Variants in SLIT2 observed in about 807,000 individuals in gnomAD.
The protein encoded by SLIT2 is slit homolog 2 protein.
In SLIT2, 41 loss-of-function variants were observed where a neutral mutation model predicts 185.7. That is an observed-to-expected ratio of 0.22 (90% CI 0.17 to 0.29). The LOEUF is 0.29. SLIT2 is among the 10% of genes least tolerant of loss of function. The pLI, the probability that SLIT2 is intolerant of heterozygous loss-of-function variation, is 1.00. For synonymous variants in SLIT2, 693 were observed against 680.2 expected (o/e 1.02, Z -0.29); for missense variants, 1,571 against 1,909.0 (o/e 0.82, Z 3.30).
chr4:20,401,419 A>G (rs1183270015), intron 4 of SLIT2, among the ~76,000 whole-genome samples: 1 of 151,746 alleles, frequency 6.6e-6, no homozygotes, highest in Non-Finnish European at 1.5e-5. Flanking sequence ...TTTGTGCTTC[A>G]TTTGCTTCTC....
At chr4:20,518,762 G>A (rs1720544031) in intron 11 of SLIT2, among the ~76,000 whole-genome samples, 1 of 141,346 alleles carries the variant, frequency 7.1e-6, no homozygotes, top group Non-Finnish European at 1.5e-5. Flanking sequence ...CCGCCACCAC[G>A]CCCGGCTAAT....
At position 20,484,668 on chromosome 4, in the gene SLIT2, A is replaced by T. The variant is rs1451469132; in HGVS notation, c.540-1532A>T. Among the ~76,000 whole-genome samples, 1 of 152,156 alleles carries T rather than the reference A, an allele frequency of 6.6e-6. No homozygotes were observed. The highest frequency in any genetic ancestry group is 1.5e-5 in the Non-Finnish European group (1 of 68,014). On this transcript the variant is annotated intron_variant, in intron 6 of 36. Coordinates refer to ENST00000504154, the MANE Select transcript of SLIT2 (RefSeq NM_004787.4). This position sits in a 1 kb window ranked among gnomAD's most constrained non-coding sequence, Gnocchi z 4.3. ...GTGGCCTCAAAAATATATTTTGTGTAGCTCAAACATAAGCGGTCTACAGAC... is the reference window on the plus strand; with the variant it reads ...GTGGCCTCAAAAATATATTTTGTGTTGCTCAAACATAAGCGGTCTACAGAC...
intron 4 of SLIT2, among the ~76,000 whole-genome samples, chr4:20,409,825 C>T (rs10015700): frequency 0.77 from 116,644 of 152,160 alleles, 44,821 homozygotes; most frequent in East Asian, 0.92. Flanking sequence ...TGATCAGTGA[C>T]GTTGGATTTT....
intron 4 of SLIT2, among the ~76,000 whole-genome samples, chr4:20,436,219 T>G (rs1367807324): frequency 6.6e-6 from 1 of 152,238 alleles, no homozygotes; most frequent in Non-Finnish European, 1.5e-5. Context: ...ATTACTCTCC[T>G]TGCACAAAAT....
chr4:20,481,852 A>G (rs1716737662), intron 6 of SLIT2, among the ~76,000 whole-genome samples: 1 of 152,034 alleles, frequency 6.6e-6, no homozygotes, highest in Non-Finnish European at 1.5e-5. Flanking sequence ...ACTGTTATTA[A>G]TTATTTTAAA....
At chr4:20,300,991 A>G (rs1389708303) in intron 4 of SLIT2, among the ~76,000 whole-genome samples, 1 of 152,080 alleles carries the variant, frequency 6.6e-6, no homozygotes, top group African/African-American at 2.4e-5. Context: ...CTTAACATAT[A>G]GTACAGATTT....
At chr4:20,327,254 G>A (rs147992655) in intron 4 of SLIT2, among the ~76,000 whole-genome samples, 68 of 152,086 alleles carry the variant, frequency 4.5e-4, no homozygotes, top group African/African-American at 1.6e-3. Flanking sequence ...ACATGGGCCA[G>A]CAGAGGTCTG....
At position 20,475,863 on chromosome 4, in the gene SLIT2, A is replaced by C. The variant is rs151112473; in HGVS notation, c.468-4853A>C. Among the ~76,000 whole-genome samples, 425 of 152,172 alleles carry C rather than the reference A, an allele frequency of 2.8e-3. 2 individuals carry two copies. The highest frequency in any genetic ancestry group is 9.3e-3 in the African/African-American group (385 of 41,518). On this transcript the variant is annotated intron_variant, in intron 5 of 36. Coordinates refer to ENST00000504154, the MANE Select transcript of SLIT2 (RefSeq NM_004787.4). Reference sequence around the variant, plus strand: ...TGCTATCTGTTGCTTCTTCCCCCCAAATTGACAAACATATAACTTTATACC... The same window carrying C: ...TGCTATCTGTTGCTTCTTCCCCCCACATTGACAAACATATAACTTTATACC...
chr4:20,476,664 C>A (rs1716141688), intron 5 of SLIT2, among the ~76,000 whole-genome samples: 1 of 152,064 alleles, frequency 6.6e-6, no homozygotes, highest in African/African-American at 2.4e-5. Flanking sequence ...TGCAGTAGAA[C>A]ATGAATTTGC....
chr4:20,594,680 G>C (rs1727833833), intron 30 of SLIT2, among the ~76,000 whole-genome samples: 1 of 152,140 alleles, frequency 6.6e-6, no homozygotes, highest in South Asian at 2.1e-4. Context: ...ATCATAACTA[G>C]AGATCCCAGT....
At chr4:20,425,394 C>T (rs1728476108) in intron 4 of SLIT2, among the ~76,000 whole-genome samples, 1 of 151,908 alleles carries the variant, frequency 6.6e-6, no homozygotes, top group Admixed American at 6.6e-5. Flanking sequence ...CAAATAAAAC[C>T]ATTGTCCATT....
chr4:20,341,313 T>C (rs1000971633), intron 4 of SLIT2, among the ~76,000 whole-genome samples: 3 of 152,236 alleles, frequency 2.0e-5, no homozygotes, highest in African/African-American at 7.2e-5. Flanking sequence ...GATATTATAC[T>C]GAGTCAATGT....
At chr4:20,463,247 C>T (rs1322585889) in intron 4 of SLIT2, among the ~76,000 whole-genome samples, 10 of 151,746 alleles carry the variant, frequency 6.6e-5, no homozygotes, top group African/African-American at 9.7e-5. Context: ...CACCTCTTTC[C>T]CCAGCGTTGA....
intron 4 of SLIT2, among the ~76,000 whole-genome samples, chr4:20,379,922 A>G (rs1724354712): frequency 6.6e-6 from 1 of 152,090 alleles, no homozygotes; most frequent in Non-Finnish European, 1.5e-5. Flanking sequence ...AGGCAGCTGG[A>G]ATTTGAGGGG....
In SLIT2 at chr4:20,525,186, G is replaced by A. The variant is rs370962428; in HGVS notation, c.1462+14G>A. 4.3e-5 allele frequency: 68 copies of A among 1,595,844 alleles called. No homozygotes were observed. Among genetic ancestry groups the A allele is most frequent in the African/African-American group, 1.3e-4 (10 of 74,422 alleles). ...ATTTCATTCCAGGTAGGTTTTGCTCGGTAGTAGGACTAACTACAGACACCC... is the reference window on the plus strand; with the variant it reads ...ATTTCATTCCAGGTAGGTTTTGCTCAGTAGTAGGACTAACTACAGACACCC... On this transcript the variant is annotated intron_variant, in intron 15 of 36. Transcript: ENST00000504154.
intron 4 of SLIT2, among the ~76,000 whole-genome samples, chr4:20,410,854 T>C (rs35443168): frequency 0.16 from 24,743 of 152,154 alleles, 2,593 homozygotes; most frequent in East Asian, 0.43. Flanking sequence ...GTGTGATGCC[T>C]CCAGCTTTAT....
chr4:20,413,343 T>C (rs1348395093), intron 4 of SLIT2, among the ~76,000 whole-genome samples: 2 of 152,096 alleles, frequency 1.3e-5, no homozygotes, highest in African/African-American at 4.8e-5. Flanking sequence ...TATTTCAATA[T>C]TATTTCAATT....
intron 4 of SLIT2, among the ~76,000 whole-genome samples, chr4:20,436,416 A>G (rs1008988562): frequency 6.6e-6 from 1 of 152,188 alleles, no homozygotes; most frequent in Admixed American, 6.5e-5. Context: ...CCACCAGGCC[A>G]TGTGTTTTCC....
intron 30 of SLIT2, among the ~76,000 whole-genome samples, chr4:20,594,035 T>C (rs1256536189): frequency 6.7e-6 from 1 of 149,198 alleles, no homozygotes; most frequent in African/African-American, 2.5e-5. Context: ...TATATGTGTA[T>C]ATATGTACAT....
Sources: allele counts gnomAD v4.1 joint callset (sites outside exome capture counted in the v4.1 genomes callset), GRCh38; gene constraint gnomAD v4.1.1; non-coding constraint Gnocchi (gnomAD v3.1); transcripts MANE v1.5; gene names NCBI Gene and HGNC (gene_info 2026-07-23, HGNC 2026-07-21).